Variants in HS3ST4 observed in about 807,000 individuals in gnomAD.
HS3ST4 encodes heparan sulfate-glucosamine 3-sulfotransferase 4, also known as heparan sulfate glucosamine 3-O-sulfotransferase 4.
In HS3ST4, 17 loss-of-function variants were observed where a neutral mutation model predicts 29.2. That is an observed-to-expected ratio of 0.58 (90% confidence interval 0.40 to 0.87). The LOEUF (loss-of-function observed/expected upper bound fraction) is 0.87, where lower values mean the gene tolerates loss of function less well. Among genes scored for constraint, HS3ST4 ranks in the 40% least tolerant of loss-of-function variants. HS3ST4 has a pLI of 0.00. For missense variants in HS3ST4, 627 were observed against 634.5 expected (o/e 0.99, Z 0.13); for synonymous variants, 314 against 285.7 (o/e 1.10, Z -1.00).
rs533239133 is a variant in HS3ST4, at chr16:26,044,770, A to G, written c.735-90842A>G. Among the ~76,000 whole-genome samples, 8 of 152,266 alleles carry G rather than the reference A, an allele frequency of 5.3e-5. 1 individual carries two copies. The South Asian group carries it at 1.7e-3, about 32-fold the overall frequency. ...TGATGCTTGGATTCTGGTAGGAAGT[A>G]GGCTGCTTGCTCAGGCAGATGTAAT... On this transcript the variant is annotated intron_variant, in intron 1 of 1. Coordinates refer to ENST00000331351, the MANE Select transcript of HS3ST4 (RefSeq NM_006040.3).
intron 1 of HS3ST4, among the ~76,000 whole-genome samples, chr16:26,055,618 G>T (rs11648046): frequency 6.6e-6 from 1 of 151,546 alleles, no homozygotes; most frequent in African/African-American, 2.4e-5. Flanking sequence ...AAAGTTTCCC[G>T]CATAATAATC....
intron 1 of HS3ST4, among the ~76,000 whole-genome samples, chr16:26,048,923 A>T (rs1026410707): frequency 3.9e-5 from 6 of 152,140 alleles, no homozygotes; most frequent in African/African-American, 9.7e-5. Context: ...GTGTTAGTTG[A>T]TCATACTATG....
At chr16:25,727,848 A>G (rs1489210852) in intron 1 of HS3ST4, among the ~76,000 whole-genome samples, 1 of 152,188 alleles carries the variant, frequency 6.6e-6, no homozygotes, top group East Asian at 1.9e-4. Context: ...AAAAATACAC[A>G]TGTGCACACA....
At chr16:25,772,165 T>G (rs905870828) in intron 1 of HS3ST4, among the ~76,000 whole-genome samples, 1 of 152,248 alleles carries the variant, frequency 6.6e-6, no homozygotes, top group Non-Finnish European at 1.5e-5. Context: ...TTGTAGAGTA[T>G]TCTTGTCATG....
chr16:25,888,205 C>A (rs1967974523), intron 1 of HS3ST4, among the ~76,000 whole-genome samples: 1 of 152,086 alleles, frequency 6.6e-6, no homozygotes, highest in Non-Finnish European at 1.5e-5. Flanking sequence ...TTAGGTCTTT[C>A]TTAGTTGCAT....
At chr16:26,095,334 C>T (rs1269576097) in intron 1 of HS3ST4, among the ~76,000 whole-genome samples, 1 of 152,206 alleles carries the variant, frequency 6.6e-6, no homozygotes, top group Non-Finnish European at 1.5e-5. Context: ...CACCAAATCA[C>T]ACTTATTCTA....
intron 1 of HS3ST4, among the ~76,000 whole-genome samples, chr16:26,043,732 A>G (rs1216606300): frequency 6.6e-6 from 1 of 152,196 alleles, no homozygotes; most frequent in Non-Finnish European, 1.5e-5. Flanking sequence ...AACAGCATCC[A>G]CATCCACTCC....
At chr16:25,841,789 G>A (rs950556527) in intron 1 of HS3ST4, among the ~76,000 whole-genome samples, 3 of 152,154 alleles carry the variant, frequency 2.0e-5, no homozygotes, top group African/African-American at 4.8e-5. Flanking sequence ...TGTGGGTGGT[G>A]TGGAGACTAT....
chr16:25,931,319 C>T (rs1308409994), intron 1 of HS3ST4, among the ~76,000 whole-genome samples: 1 of 152,212 alleles, frequency 6.6e-6, no homozygotes, highest in Admixed American at 6.5e-5. Context: ...GTTCTCTGTG[C>T]TTCCCCTCCC....
intron 1 of HS3ST4, among the ~76,000 whole-genome samples, chr16:25,891,086 G>A (rs1208601870): frequency 1.3e-5 from 2 of 152,144 alleles, no homozygotes; most frequent in Non-Finnish European, 2.9e-5. Flanking sequence ...GATAAGAAGT[G>A]GTAATTGAGG....
At chr16:25,877,647 A>G (rs903446520) in intron 1 of HS3ST4, among the ~76,000 whole-genome samples, 33 of 152,328 alleles carry the variant, frequency 2.2e-4, no homozygotes, top group Non-Finnish European at 5.9e-5. Context: ...TGGAGGAAGC[A>G]TAGCCCCTGC....
At chr16:26,032,694 T>C in intron 1 of HS3ST4, 1 of 1,305,480 alleles carries the variant, frequency 7.7e-7, no homozygotes, top group Non-Finnish European at 1.1e-6. Context: ...TTTTTAGTCT[T>C]GGGCTCTGGC....
intron 1 of HS3ST4, among the ~76,000 whole-genome samples, chr16:25,853,466 C>G (rs2141650786): frequency 6.6e-6 from 1 of 152,196 alleles, no homozygotes; most frequent in East Asian, 1.9e-4. Context: ...GAGTGGCATC[C>G]TTATTTTGTT....
intron 1 of HS3ST4, among the ~76,000 whole-genome samples, chr16:26,132,578 C>T (rs1453640978): frequency 6.6e-6 from 1 of 152,020 alleles, no homozygotes; most frequent in Admixed American, 6.6e-5. Context: ...CCATTTTGTC[C>T]CAGATACTTC....
At chr16:25,981,906 T>G (rs951884559) in intron 1 of HS3ST4, among the ~76,000 whole-genome samples, 1 of 151,962 alleles carries the variant, frequency 6.6e-6, no homozygotes, top group Non-Finnish European at 1.5e-5. Context: ...TAACATGGAG[T>G]TGGTGCTCAA....
At chr16:25,745,634 C>A (rs1175307673) in intron 1 of HS3ST4, among the ~76,000 whole-genome samples, 1 of 152,128 alleles carries the variant, frequency 6.6e-6, no homozygotes, top group Non-Finnish European at 1.5e-5. Context: ...GGGCATAAAA[C>A]ATTTGTATCA....
At chr16:25,720,972 T>C (rs1966488740) in intron 1 of HS3ST4, among the ~76,000 whole-genome samples, 2 of 152,198 alleles carry the variant, frequency 1.3e-5, no homozygotes. Context: ...CTTCTAGAGC[T>C]GGGCACGTTG....
rs904650777 is a variant in HS3ST4 at position 25,972,991 on chromosome 16, C to T, written c.735-162621C>T. ...TTCCTACTGGATCAAATACACCCTT[C>T]TCATTGCTGTTGGGGATTATTAGAG... On this transcript the variant is annotated intron_variant, in intron 1 of 1. Coordinates refer to ENST00000331351, the MANE Select transcript of HS3ST4 (RefSeq NM_006040.3). Among the ~76,000 whole-genome samples the T allele has an allele frequency of 7.9e-5, 12 of 152,208 alleles. 1 individual carries two copies. Among genetic ancestry groups the T allele is most frequent in the Admixed American group, 7.9e-4 (12 of 15,282 alleles).
intron 1 of HS3ST4, among the ~76,000 whole-genome samples, chr16:25,884,018 C>T (rs1282024825): frequency 4.6e-5 from 7 of 151,856 alleles, no homozygotes; most frequent in Admixed American, 2.6e-4. Flanking sequence ...GAGGCTGAGG[C>T]GGGAGAATTG....
Sources: gnomAD v4.1 joint callset for allele counts (sites outside exome capture counted in the v4.1 genomes callset) on GRCh38, gnomAD v4.1.1 for gene constraint, MANE v1.5 for transcripts, NCBI Gene and HGNC (gene_info 2026-07-23, HGNC 2026-07-21) for gene names.